The following PAK2 variants were observed in gnomAD, a reference collection of about 807,000 sequenced individuals.
PAK2 encodes the protein serine/threonine-protein kinase PAK 2.
A neutral mutation model predicts 65.9 loss-of-function variants in PAK2; 21 were observed. The ratio of observed to expected loss-of-function variants is 0.32; its 90% CI spans 0.23 to 0.46. PAK2 has a LOEUF of 0.46. PAK2 is among the 20% of genes least tolerant of loss of function. The pLI, the probability that PAK2 is intolerant of heterozygous loss-of-function variation, is 1.00. For synonymous variants in PAK2, 204 were observed against 219.7 expected (o/e 0.93, Z 0.63); for missense variants, 324 against 642.6 (o/e 0.50, Z 5.36).
At chr3:196,749,774 A>G (rs146482697) in intron 1 of PAK2, among the ~76,000 whole-genome samples, 415 of 152,000 alleles carry the variant, frequency 2.7e-3, no homozygotes, top group African/African-American at 9.7e-3. Flanking sequence ...ATGTCATGTT[A>G]TCATTGTTTT....
chr3:196,827,858 C>T (rs944253336), intron 14 of PAK2, among the ~76,000 whole-genome samples: 9 of 149,100 alleles, frequency 6.0e-5, no homozygotes, highest in East Asian at 2.0e-4. Context: ...GTTTGTGCAT[C>T]GTATCAATCC....
intron 11 of PAK2, among the ~76,000 whole-genome samples, chr3:196,815,741 C>G (rs868089277): frequency 2.0e-5 from 3 of 151,330 alleles, no homozygotes; most frequent in Non-Finnish European, 4.4e-5. Context: ...GAGCCGAGAT[C>G]GTGCCACTGC....
chr3:196,765,045 C>T (rs1384472753), intron 1 of PAK2, among the ~76,000 whole-genome samples: 6 of 151,072 alleles, frequency 4.0e-5, no homozygotes, highest in Non-Finnish European at 5.9e-5. Flanking sequence ...GAGGTTTCAC[C>T]GTGTTAGCCA....
intron 13 of PAK2, among the ~76,000 whole-genome samples, chr3:196,821,690 A>G (rs1711659114): frequency 6.6e-6 from 1 of 152,176 alleles, no homozygotes; most frequent in South Asian, 2.1e-4. Flanking sequence ...CTCCATAAAT[A>G]AATAAATAAA....
chr3:196,784,259 G>A (rs1714811667), intron 2 of PAK2, among the ~76,000 whole-genome samples: 1 of 129,522 alleles, frequency 7.7e-6, no homozygotes, highest in Non-Finnish European at 1.6e-5. Context: ...AAGTTTTAGG[G>A]TACATGTGCA....
chr3:196,742,097 T>TCC (rs1713212575), intron 1 of PAK2, among the ~76,000 whole-genome samples: 4 of 113,762 alleles, frequency 3.5e-5, no homozygotes, highest in East Asian at 2.1e-4. Context: ...CAATTAATAT[T>TCC]TCTTTTTTTT....
chr3:196,780,448 G>T (rs1434180645), intron 1 of PAK2, among the ~76,000 whole-genome samples: 1 of 152,174 alleles, frequency 6.6e-6, no homozygotes, highest in African/African-American at 2.4e-5. Context: ...GAGAGCTTGT[G>T]CAGGGAAACA....
At chr3:196,796,933 A>G (rs1197105582) in intron 2 of PAK2, among the ~76,000 whole-genome samples, 1 of 152,244 alleles carries the variant, frequency 6.6e-6, no homozygotes, top group African/African-American at 2.4e-5. Context: ...TTCAAAATTC[A>G]CAAAGCAAAA....
chr3:196,818,796 C>T (rs1711559382), intron 12 of PAK2, among the ~76,000 whole-genome samples: 1 of 151,980 alleles, frequency 6.6e-6, no homozygotes, highest in African/African-American at 2.4e-5. Flanking sequence ...AGTGAATAAC[C>T]TTGGATAAGT....
Position 196,832,348 on chromosome 3 carries a change from TGTC to T in PAK2, c.*3944_*3946del, listed in dbSNP as rs1712118995. ...CAAAAGTAGTTTTTGTCTTTTCTGT[TGTC>T]TTCAAATTTTATGCCTTTTATTTTT... is the stretch of plus-strand genomic sequence containing the variant. On this transcript the variant is annotated 3_prime_UTR_variant, in exon 15 of 15. Coordinates refer to ENST00000327134, the MANE Select transcript of PAK2 (RefSeq NM_002577.4). 1.3e-5 allele frequency: 2 copies of T among 152,210 alleles called. No individual in the cohort carries two copies. Among genetic ancestry groups the T allele is most frequent in the Non-Finnish European group, 2.9e-5 (2 of 68,042 alleles). 9.4% of individuals were successfully genotyped at this position (152,210 alleles called of 1,614,324 possible).
intron 2 of PAK2, among the ~76,000 whole-genome samples, chr3:196,789,873 G>A (rs774691433): frequency 6.2e-4 from 95 of 152,346 alleles, no homozygotes; most frequent in South Asian, 2.7e-3. Flanking sequence ...GTGCAGCCTA[G>A]ATCCCTCTCA....
chr3:196,807,646 TA>T, intron 6 of PAK2, 135 bp from the exon 7 acceptor site: 1 of 538,276 alleles, frequency 1.9e-6, no homozygotes, highest in East Asian at 3.0e-5. Context: ...TATCTGAAAA[TA>T]GTGTTCTCAT....
At position 196,798,349 on chromosome 3, in the gene PAK2, C is replaced by CTT. The variant is rs35883501; in HGVS notation, c.188-3568_188-3567dup. Among the ~76,000 whole-genome samples, 114 of 145,040 alleles carry CTT rather than the reference C, an allele frequency of 7.9e-4. 2 individuals are homozygous for CTT. The highest frequency in any genetic ancestry group is 3.5e-3 in the Middle Eastern group (1 of 284). ...ATGTACCAACTTTTTTTTCTTTTCT[C>CTT]TTTTTTTTTTTGGAGAAGGAGTCTT... On this transcript the variant is annotated intron_variant, in intron 2 of 14. Coordinates refer to ENST00000327134, the MANE Select transcript of PAK2 (RefSeq NM_002577.4).
chr3:196,760,496 C>T (rs889976804), intron 1 of PAK2, among the ~76,000 whole-genome samples: 39 of 152,124 alleles, frequency 2.6e-4, no homozygotes, highest in Admixed American at 6.5e-5. Context: ...GGTGAACCGC[C>T]GGCCTCAGCC....
intron 1 of PAK2, among the ~76,000 whole-genome samples, chr3:196,771,374 A>G (rs1714355106): frequency 6.6e-6 from 1 of 152,030 alleles, no homozygotes; most frequent in Non-Finnish European, 1.5e-5. Context: ...GTCTACTTGT[A>G]GATAATTTTC....
Position 196,829,518 on chromosome 3 carries a change from A to G in PAK2, c.*1113A>G, listed in dbSNP as rs1711995248. 6.6e-6 allele frequency: 1 copy of G among 152,202 alleles called. No individual in the cohort carries two copies. Among genetic ancestry groups the G allele is most frequent in the South Asian group, 2.1e-4 (1 of 4,826 alleles). 9.4% of individuals were successfully genotyped at this position (152,202 alleles called of 1,614,324 possible). A position where few individuals can be genotyped will look rare whatever the true frequency, so the allele number is the denominator to read the frequency against. ...TGGGACTAGCAGCAGAGGCAGTAAG[A>G]GATGTGAACCTTGGTGAGCTCTGAT... On this transcript the variant is annotated 3_prime_UTR_variant, in exon 15 of 15. Coordinates refer to ENST00000327134, the MANE Select transcript of PAK2 (RefSeq NM_002577.4).
At chr3:196,747,910 C>T (rs867299613) in intron 1 of PAK2, among the ~76,000 whole-genome samples, 2 of 152,138 alleles carry the variant, frequency 1.3e-5, no homozygotes, top group South Asian at 4.1e-4. Flanking sequence ...GCCTGAATGT[C>T]ACTGAGGCCA....
chr3:196,790,744 G>A (rs35298065), intron 2 of PAK2, among the ~76,000 whole-genome samples: 1,534 of 152,192 alleles, frequency 0.01, 20 homozygotes, highest in Non-Finnish European at 0.011. Context: ...TGCAACCATC[G>A]GCCTCAACTA....
Position 196,828,829 on chromosome 3 carries a change from C to A in PAK2, c.*424C>A, listed in dbSNP as rs115360023. On this transcript the variant is annotated 3_prime_UTR_variant, in exon 15 of 15. Coordinates refer to ENST00000327134, the MANE Select transcript of PAK2 (RefSeq NM_002577.4). The stretch of plus-strand genomic sequence containing the variant: ...AGTCTTTCTCTCCTTCATAGCTTTT[C>A]TTTTCCTGGACTTGCTCCTTTTGAG... The A allele has an allele frequency of 1.2e-5, 2 of 169,926 alleles. No homozygotes were observed. The highest frequency in any genetic ancestry group is 4.8e-5 in the African/African-American group (2 of 41,562). The allele number at this position is 169,926 out of a possible 1,614,324, so 10.5% of individuals were successfully genotyped here.
Sources: allele counts gnomAD v4.1 joint callset (sites outside exome capture counted in the v4.1 genomes callset), GRCh38; gene constraint gnomAD v4.1.1; transcripts MANE v1.5; gene names NCBI Gene and HGNC (gene_info 2026-07-23, HGNC 2026-07-21).